SETD3: variants seen among roughly 807,000 people sequenced by gnomAD.
The protein encoded by SETD3 is SET domain containing 3, actin N3(tau)-histidine methyltransferase.
In SETD3, 19 loss-of-function variants were observed where a neutral mutation model predicts 63.0. That is an observed-to-expected ratio of 0.30 (90% confidence interval 0.21 to 0.44). The LOEUF is 0.44. SETD3 is among the 20% of genes least tolerant of loss of function. The pLI is 1.00. For synonymous variants in SETD3, 286 were observed against 264.1 expected, an observed-to-expected ratio of 1.08 and a Z score of -0.80; for missense variants, 587 against 728.5, an observed-to-expected ratio of 0.81 and a Z score of 2.24.
intron 1 of SETD3, among the ~76,000 whole-genome samples, chr14:99,480,245 G>T (rs917855825): frequency 6.6e-6 from 1 of 152,080 alleles, no homozygotes; most frequent in African/African-American, 2.4e-5. Context: ...GCGGGGTGAC[G>T]GGAGGAAGGA....
intron 6 of SETD3, among the ~76,000 whole-genome samples, chr14:99,422,884 T>C (rs1201124011): frequency 6.6e-6 from 1 of 152,160 alleles, no homozygotes; most frequent in African/African-American, 2.4e-5. Context: ...TGCGGCTCTG[T>C]GGAGCCCCGC....
upstream of SETD3, among the ~76,000 whole-genome samples, chr14:99,484,279 A>G (rs1896428634): frequency 6.6e-6 from 1 of 152,254 alleles, no homozygotes; most frequent in Non-Finnish European, 1.5e-5. Context: ...ATAAATTGTG[A>G]GGATAAGAAA....
intron 8 of SETD3, chr14:99,410,138 G>C: frequency 6.5e-7 from 1 of 1,535,272 alleles, no homozygotes; most frequent in Non-Finnish European, 9.0e-7. Flanking sequence ...GGAGGTCTAT[G>C]AGTGAGTCCC....
chr14:99,445,995 G>A (rs1894107814), intron 6 of SETD3, among the ~76,000 whole-genome samples: 1 of 152,222 alleles, frequency 6.6e-6, no homozygotes, highest in South Asian at 2.1e-4. Flanking sequence ...ACTGGAGTTG[G>A]GGAGAGAAGG....
intron 1 of SETD3, among the ~76,000 whole-genome samples, chr14:99,471,968 T>C (rs1393193045): frequency 6.6e-6 from 1 of 152,156 alleles, no homozygotes; most frequent in Non-Finnish European, 1.5e-5. Context: ...GAGAGGGCTG[T>C]GACTTGGCCA....
At chr14:99,428,840 T>C (rs1371527534) in intron 6 of SETD3, among the ~76,000 whole-genome samples, 3 of 152,000 alleles carry the variant, frequency 2.0e-5, no homozygotes, top group Non-Finnish European at 4.4e-5. Context: ...GGAGTGGGCA[T>C]GGAAGGCACC....
At chr14:99,456,475 T>C (rs1894767912) in intron 6 of SETD3, among the ~76,000 whole-genome samples, 1 of 152,154 alleles carries the variant, frequency 6.6e-6, no homozygotes, top group Non-Finnish European at 1.5e-5. Context: ...TTTGTACTCA[T>C]TATAAATTAT....
At chr14:99,471,876 A>G (rs1437840976) in intron 1 of SETD3, among the ~76,000 whole-genome samples, 1 of 152,170 alleles carries the variant, frequency 6.6e-6, no homozygotes, top group Non-Finnish European at 1.5e-5. Context: ...CAAGGACACG[A>G]GCATCCGCCC....
At chr14:99,468,440 ATCTTC>A (rs1434663064) in intron 1 of SETD3, among the ~76,000 whole-genome samples, 2 of 152,198 alleles carry the variant, frequency 1.3e-5, no homozygotes, top group Non-Finnish European at 2.9e-5. Context: ...TAACATTGCT[ATCTTC>A]TCTTATGTAT....
chr14:99,426,923 T>TC (rs1179434265), intron 6 of SETD3, among the ~76,000 whole-genome samples: 1 of 152,084 alleles, frequency 6.6e-6, no homozygotes, highest in South Asian at 2.1e-4. Context: ...ATTTACCTAC[T>TC]CCCCACCTTC....
intron 12 of SETD3, among the ~76,000 whole-genome samples, chr14:99,399,401 G>A (rs1194777380): frequency 1.3e-5 from 2 of 152,052 alleles, no homozygotes; most frequent in Admixed American, 1.3e-4. Context: ...CCATCTGCCA[G>A]GGAACTTCAC....
intron 6 of SETD3, among the ~76,000 whole-genome samples, chr14:99,456,851 C>T (rs1387112498): frequency 1.3e-5 from 2 of 152,170 alleles, no homozygotes; most frequent in Non-Finnish European, 2.9e-5. Context: ...AGCTCATTCA[C>T]GCCAAGTCGG....
intron 6 of SETD3, among the ~76,000 whole-genome samples, chr14:99,415,334 T>C (rs1168600054): frequency 6.6e-6 from 1 of 152,186 alleles, no homozygotes; most frequent in Non-Finnish European, 1.5e-5. Context: ...CACTAAGAAG[T>C]CTGACTTATT....
At chr14:99,447,313 A>G (rs1001797298) in intron 6 of SETD3, among the ~76,000 whole-genome samples, 2 of 152,234 alleles carry the variant, frequency 1.3e-5, no homozygotes, top group East Asian at 1.9e-4. Context: ...CTGGAACTAA[A>G]GCTGGACAAA....
Position 99,459,177 on chromosome 14 carries a change from T to C in SETD3, c.354A>G (p.Glu118=). The C allele has an allele frequency of 6.2e-7, 1 of 1,609,280 alleles. No homozygotes were observed. The highest frequency in any genetic ancestry group is 8.5e-7 in the Non-Finnish European group (1 of 1,177,536). ...LRATRDIKAE[E]LFLWVPRKLL... is the part of the protein sequence containing the mutation. ...ATTTTCGTGGAACCCATAAAAACAA[T>C]TCTTCTGCCTAGGGAAAAAAATAAT... Residue 118 remains glutamate, a synonymous_variant, in exon 5 of 13, where the codon GAA becomes GAG. Transcript: ENST00000331768.
At chr14:99,408,083 G>A (rs1205792405) in intron 8 of SETD3, among the ~76,000 whole-genome samples, 1 of 152,152 alleles carries the variant, frequency 6.6e-6, no homozygotes, top group Non-Finnish European at 1.5e-5. Flanking sequence ...GCAGCTACAA[G>A]TGCTCCTTGC....
At chr14:99,435,413 TC>T (rs36078138) in intron 6 of SETD3, among the ~76,000 whole-genome samples, 4,273 of 152,260 alleles carry the variant, frequency 0.028, 104 homozygotes, top group Middle Eastern at 0.071. Context: ...ATTTAGCTTC[TC>T]CCCATGTGTC....
Position 99,447,613 on chromosome 14 carries a change from A to C in SETD3, c.675+10666T>G, listed in dbSNP as rs377499078. On this transcript the variant is annotated intron_variant, in intron 6 of 12. Transcript: ENST00000331768. ...TCACAGGTCAGGGCATTTCACCAAG[A>C]CAGCCAGTGGCTCTACCAAACTTTA... 7.3e-4 allele frequency among the ~76,000 whole-genome samples: 111 copies of C among 152,382 alleles called. 1 individual carries two copies. The highest frequency in any genetic ancestry group is 4.6e-3 in the Admixed American group (71 of 15,306).
chr14:99,399,741 A>AAC (rs1566869064), intron 12 of SETD3, among the ~76,000 whole-genome samples: 1 of 127,728 alleles, frequency 7.8e-6, no homozygotes, highest in African/African-American at 3.0e-5. Context: ...CTTTCATTAA[A>AAC]TTTTTTTTTT....
Sources: gnomAD v4.1 joint callset for allele counts (sites outside exome capture counted in the v4.1 genomes callset) on GRCh38, gnomAD v4.1.1 for gene constraint, MANE v1.5 for transcripts, NCBI Gene and HGNC (gene_info 2026-07-23, HGNC 2026-07-21) for gene names.